Variants in PSIP1 observed in about 807,000 individuals in gnomAD.
PSIP1 encodes PC4 and SRSF1 interacting protein 1.
PSIP1 carries 19 observed loss-of-function variants against 74.7 expected under a neutral mutation model. The ratio of observed to expected loss-of-function variants is 0.25; its 90% confidence interval spans 0.18 to 0.37. The LOEUF is 0.37. PSIP1 is among the 10% of genes least tolerant of loss of function. PSIP1 has a pLI of 1.00. For synonymous variants in PSIP1, 222 were observed against 195.3 expected (o/e 1.14, Z -1.14); for missense variants, 601 against 614.3 (o/e 0.98, Z 0.23).
chr9:15,469,334 T>C lies in PSIP1; in HGVS notation c.1036A>G (p.Thr346Ala). The C allele has an allele frequency of 6.4e-7, 1 of 1,553,064 alleles. No individual in the cohort carries two copies. Among genetic ancestry groups the C allele is most frequent in the East Asian group, 2.3e-5 (1 of 44,390 alleles). ...EVKKVEKKRE[T>A]SMDSRLQRIH... Reference sequence around the variant, plus strand: ...CTTTGAAGTCGAGAATCCATTGATGTTTCTACAAATTAAAATATGTGAAAA... The same window carrying C: ...CTTTGAAGTCGAGAATCCATTGATGCTTCTACAAATTAAAATATGTGAAAA... Residue 346 changes from threonine (T) to alanine (A), a missense_variant and splice_region_variant, in exon 12 of 16, where the codon ACA (threonine) becomes GCA (alanine). Around this residue, in one of 2 missense-constraint regions of PSIP1, gnomAD observed 538 missense variants for 507.6 expected, o/e 1.06. Coordinates refer to ENST00000380733, the MANE Select transcript of PSIP1 (RefSeq NM_033222.5).
intron 4 of PSIP1, 144 bp downstream of exon 4, chr9:15,489,842 C>T: frequency 1.7e-6 from 1 of 580,240 alleles, no homozygotes; most frequent in Non-Finnish European, 2.7e-6. Context: ...ATATAAAATG[C>T]CCAAGGTTCA....
At chr9:15,504,305 T>TTTAGTTA (rs1000025824) in intron 3 of PSIP1, among the ~76,000 whole-genome samples, 1 of 152,100 alleles carries the variant, frequency 6.6e-6, no homozygotes, top group African/African-American at 2.4e-5. Context: ...CAAACAACAG[T>TTTAGTTA]TTAGTTATTT....
chr9:15,472,294 A>G (rs1353360261), intron 10 of PSIP1: 12 of 1,014,174 alleles, frequency 1.2e-5, no homozygotes, highest in Non-Finnish European at 1.4e-5. Flanking sequence ...GTCTACCAGT[A>G]TATTATCGCC....
chr9:15,474,342 T>G, intron 8 of PSIP1, 105 bp from the exon 9 acceptor site: 2 of 962,834 alleles, frequency 2.1e-6, no homozygotes, highest in Non-Finnish European at 3.0e-6. Flanking sequence ...TAAAACAAAG[T>G]AAAAAGAGTG....
chr9:15,467,730 A>T (rs181118179), intron 14 of PSIP1, among the ~76,000 whole-genome samples: 1 of 152,242 alleles, frequency 6.6e-6, no homozygotes, highest in African/African-American at 2.4e-5. Context: ...ACTGTTAGTA[A>T]TAAGTACTAG....
chr9:15,485,982 TGGTTGG>T lies in PSIP1; in HGVS notation c.456+18_456+23del, dbSNP rs781763264. The T allele has an allele frequency of 1.9e-6, 3 of 1,568,828 alleles. No homozygotes were observed. The African/African-American group carries it at 4.1e-5, about 21-fold the overall frequency. On this transcript the variant is annotated intron_variant, in intron 6 of 15. Transcript: ENST00000380733. ...AATAAAAATTCTTTTCAGATCCCCA[TGGTTGG>T]TAAGTCAGTGAAATTACCTTTCTCT...
At chr9:15,492,671 T>C (rs1213985328) in intron 3 of PSIP1, among the ~76,000 whole-genome samples, 1 of 152,082 alleles carries the variant, frequency 6.6e-6, no homozygotes, top group African/African-American at 2.4e-5. Context: ...CTAGCACAGG[T>C]TCTCCACGAA....
intron 6 of PSIP1, among the ~76,000 whole-genome samples, chr9:15,485,482 A>G (rs772758668): frequency 1.6e-4 from 25 of 152,332 alleles, no homozygotes; most frequent in South Asian, 1.4e-3. Flanking sequence ...AATTTGAGAC[A>G]TAAATAGGTC....
intron 4 of PSIP1, 144 bp from the exon 5 acceptor site, chr9:15,487,075 G>A: frequency 1.2e-5 from 6 of 487,600 alleles, no homozygotes; most frequent in Non-Finnish European, 2.1e-5. Flanking sequence ...ATGGTTCACT[G>A]AAGCCTCAAT....
At chr9:15,489,608 C>CAAAAAAAA (rs1278277874) in intron 4 of PSIP1, among the ~76,000 whole-genome samples, 17 of 45,502 alleles carry the variant, frequency 3.7e-4, no homozygotes, top group African/African-American at 9.5e-4. Context: ...AACTACACCT[C>CAAAAAAAA]AAAAAAAAAA....
chr9:15,510,080 G>A (rs769405438), intron 2 of PSIP1, 37 bp downstream of exon 2: 27 of 1,581,148 alleles, frequency 1.7e-5, no homozygotes, highest in Non-Finnish European at 2.2e-5. Context: ...GGAGAGGAGG[G>A]TAGCACTGCT....
At chr9:15,469,876 A>T (rs1053154702) in intron 11 of PSIP1, 62 bp downstream of exon 11, 2 of 1,380,414 alleles carry the variant, frequency 1.4e-6, no homozygotes, top group Non-Finnish European at 2.0e-6. Flanking sequence ...ATGAAAAGTT[A>T]TGTCTATATA....
intron 2 of PSIP1, among the ~76,000 whole-genome samples, chr9:15,508,022 T>G (rs535903249): frequency 6.6e-6 from 1 of 152,270 alleles, no homozygotes; most frequent in Non-Finnish European, 1.5e-5. Context: ...TGCCTCTTTC[T>G]GCTAGCAAAC....
chr9:15,475,172 T>A, intron 8 of PSIP1, among the ~76,000 whole-genome samples: 1 of 152,194 alleles, frequency 6.6e-6, no homozygotes, highest in East Asian at 1.9e-4. Flanking sequence ...TAGAAACTTT[T>A]TATTATATAA....
chr9:15,500,753 T>C (rs1454257894), intron 3 of PSIP1, among the ~76,000 whole-genome samples: 1 of 152,168 alleles, frequency 6.6e-6, no homozygotes, highest in African/African-American at 2.4e-5. Context: ...CCCAACTTCT[T>C]TGCATTAAGA....
At position 15,475,796 on chromosome 9, in the gene PSIP1, TC is replaced by T. The variant is rs530802515; in HGVS notation, c.630-1560del. ...CAATGAGTCTTTTCCCAGTGGTTCT[TC>T]CATGAAATACAGACTTGTGACAACT... On this transcript the variant is annotated intron_variant, in intron 8 of 15. Coordinates refer to ENST00000380733, the MANE Select transcript of PSIP1 (RefSeq NM_033222.5). Among the ~76,000 whole-genome samples, 11 of 152,310 alleles carry T rather than the reference TC, an allele frequency of 7.2e-5. No individual in the cohort carries two copies. In the South Asian group the frequency reaches 2.3e-3, roughly 32 times the overall value.
At position 15,478,127 on chromosome 9, in the gene PSIP1, T is replaced by TA. The variant is rs570873100; in HGVS notation, c.629+349dup. 7.5e-3 allele frequency among the ~76,000 whole-genome samples: 806 copies of TA among 108,140 alleles called. 5 individuals carry two copies. Among genetic ancestry groups the TA allele is most frequent in the Middle Eastern group, 0.05 (10 of 202 alleles). The allele number at this position is 108,140 out of a possible 152,430, so 70.9% of individuals were successfully genotyped here. ...GGGCGACAGAGTGAAACCCCATCTT[T>TA]AAAAAAAAAAAAAAAAAAAAAAAAA... On this transcript the variant is annotated intron_variant, in intron 8 of 15. Transcript: ENST00000380733.
chr9:15,485,944 T>G, intron 6 of PSIP1, 62 bp downstream of exon 6: 1 of 1,423,344 alleles, frequency 7.0e-7, no homozygotes, highest in Admixed American at 1.9e-5. Context: ...CTACTCTCCC[T>G]CAACCCAATT....
At chr9:15,473,574 C>G (rs1241163940) in intron 9 of PSIP1, among the ~76,000 whole-genome samples, 1 of 152,140 alleles carries the variant, frequency 6.6e-6, no homozygotes, top group African/African-American at 2.4e-5. Context: ...TTATAGACTT[C>G]CTCCAAAATA....
Sources: gnomAD v4.1 joint callset for allele counts (sites outside exome capture counted in the v4.1 genomes callset) on GRCh38, gnomAD v4.1.1 for gene constraint, gnomAD v4.1.1 regional missense constraint, MANE v1.5 for transcripts, NCBI Gene and HGNC (gene_info 2026-07-23, HGNC 2026-07-21) for gene names.